LOC112694756: variants seen among roughly 807,000 people sequenced by gnomAD.
the LOC112694756 span, chr16:30,068,455 T>C: frequency 1.5e-6 from 1 of 682,140 alleles, no homozygotes; most frequent in Admixed American, 2.1e-5. Context: ...GGGGGAAGAC[T>C]GGGGCTAAAG....
chr16:30,067,103 C>T, the LOC112694756 span: 15 of 1,570,078 alleles, frequency 9.6e-6, no homozygotes, highest in African/African-American at 1.4e-5. Context: ...AGAAGTGCCC[C>T]AGGGCCTGCT....
At chr16:30,067,242 T>TA in the LOC112694756 span, 1 of 1,612,224 alleles carries the variant, frequency 6.2e-7, no homozygotes, top group Non-Finnish European at 8.5e-7. Context: ...AGGAACTTGC[T>TA]ACTACCAGCA....
chr16:30,054,837 G>A, the LOC112694756 span: 1 of 399,290 alleles, frequency 2.5e-6, no homozygotes, highest in Non-Finnish European at 4.4e-6. Flanking sequence ...GCCCTCCCCT[G>A]CTGCTCCCCA....
chr16:30,057,942 A>C, the LOC112694756 span, among the ~76,000 whole-genome samples: 2 of 151,808 alleles, frequency 1.3e-5, no homozygotes, highest in Admixed American at 6.6e-5. Context: ...AAAAAAAAAA[A>C]CCAAAGCAAA....
the LOC112694756 span, among the ~76,000 whole-genome samples, chr16:30,059,218 C>A: frequency 6.6e-6 from 1 of 152,206 alleles, no homozygotes; most frequent in South Asian, 2.1e-4. Flanking sequence ...CTCTTTCAGG[C>A]CGGGTGCGGT....
At chr16:30,057,250 TA>T in the LOC112694756 span, among the ~76,000 whole-genome samples, 4 of 152,138 alleles carry the variant, frequency 2.6e-5, no homozygotes, top group Non-Finnish European at 5.9e-5. Context: ...CTTCGCCACC[TA>T]TCCATGCCTG....
At chr16:30,067,442 A>G in the LOC112694756 span, 6 of 1,612,754 alleles carry the variant, frequency 3.7e-6, no homozygotes, top group East Asian at 2.2e-5. Context: ...CCCATGTGAC[A>G]CTCCCAGGGA....
chr16:30,067,215 C>T, the LOC112694756 span: 4 of 1,612,166 alleles, frequency 2.5e-6, no homozygotes, highest in Admixed American at 1.7e-5. Flanking sequence ...AGTCCTTCCC[C>T]TCTGTTTCCT....
chr16:30,059,781 T>G, the LOC112694756 span, among the ~76,000 whole-genome samples: 1 of 151,554 alleles, frequency 6.6e-6, no homozygotes, highest in Non-Finnish European at 1.5e-5. Context: ...CAGGCTGGTC[T>G]TGAATTCCTG....
the LOC112694756 span, chr16:30,059,068 A>G: frequency 2.5e-6 from 1 of 398,464 alleles, no homozygotes; most frequent in Non-Finnish European, 4.4e-6. Flanking sequence ...AGGACTTAAA[A>G]GGAAAGCCAG....
chr16:30,060,805 C>A, the LOC112694756 span, among the ~76,000 whole-genome samples: 1 of 152,166 alleles, frequency 6.6e-6, no homozygotes, highest in African/African-American at 2.4e-5. Flanking sequence ...TCTCTCTCCC[C>A]CTTCCACCAT....
chr16:30,067,982 G>T, the LOC112694756 span: 3 of 410,704 alleles, frequency 7.3e-6, no homozygotes, highest in African/African-American at 6.0e-5. Context: ...TGTCTCAGAG[G>T]ATTGTTACTA....
chr16:30,068,051 A>C, the LOC112694756 span: 1 of 238,456 alleles, frequency 4.2e-6, no homozygotes, highest in Non-Finnish European at 8.3e-6. Flanking sequence ...GTAACTAAAC[A>C]TTTTAAGTAA....
the LOC112694756 span, chr16:30,067,090 A>C: frequency 4.5e-6 from 7 of 1,569,588 alleles, no homozygotes; most frequent in Non-Finnish European, 5.2e-6. Flanking sequence ...AGAGCTGGGG[A>C]CCAGAAGTGC....
At chr16:30,067,970 C>G in the LOC112694756 span, 24 of 455,616 alleles carry the variant, frequency 5.3e-5, no homozygotes, top group East Asian at 1.0e-3. Context: ...CCCAGTGTAT[C>G]CTGTCTCAGA....
chr16:30,068,546 T>G, the LOC112694756 span: 332 of 1,349,536 alleles, frequency 2.5e-4, no homozygotes, highest in Non-Finnish European at 3.2e-4. Flanking sequence ...GAGGCTTCAG[T>G]GAGCTGAGAT....
chr16:30,068,874 G>A, the LOC112694756 span: 6 of 1,614,208 alleles, frequency 3.7e-6, no homozygotes, highest in African/African-American at 1.3e-5. Flanking sequence ...AGCTGACTTC[G>A]CCAAGTGGCG....
chr16:30,067,725 T>A, the LOC112694756 span: 7 of 1,590,500 alleles, frequency 4.4e-6, no homozygotes, highest in Non-Finnish European at 6.0e-6. Context: ...TCCAGGTTAG[T>A]GAGGCAGGGA....
At chr16:30,063,257 T>C in the LOC112694756 span, among the ~76,000 whole-genome samples, 1 of 152,056 alleles carries the variant, frequency 6.6e-6, no homozygotes, top group Admixed American at 6.5e-5. Flanking sequence ...TGCTCAAAAA[T>C]GGTGAATGAG....
Sources: allele counts gnomAD v4.1 joint callset (sites outside exome capture counted in the v4.1 genomes callset), GRCh38; gene constraint gnomAD v4.1.1; transcripts MANE v1.5.